Variants in KHDRBS2 observed in about 807,000 individuals in gnomAD.
KHDRBS2 encodes KH RNA binding domain containing, signal transduction associated 2, also known as KH domain-containing, RNA-binding, signal transduction-associated protein 2.
KHDRBS2 carries 26 observed loss-of-function variants against 44.3 expected under a neutral mutation model. The observed-to-expected ratio is 0.59, with a 90% CI of 0.43 to 0.81. KHDRBS2 has a LOEUF of 0.81. Among genes scored for constraint, KHDRBS2 ranks in the 40% least tolerant of loss-of-function variants. KHDRBS2 has a pLI of 0.00. For missense variants in KHDRBS2, 476 were observed against 433.1 expected, an observed-to-expected ratio of 1.10 and a Z score of -0.88; for synonymous variants, 194 against 151.1, an observed-to-expected ratio of 1.28 and a Z score of -2.08.
the KHDRBS2 span, among the ~76,000 whole-genome samples, chr6:61,580,415 C>A: frequency 4.6e-5 from 7 of 152,132 alleles, no homozygotes; most frequent in Admixed American, 6.6e-5. Context: ...AGGGCAAGGC[C>A]AAATAAGGGA....
chr6:62,157,805 T>G (rs1816786008), intron 2 of KHDRBS2, among the ~76,000 whole-genome samples: 1 of 152,208 alleles, frequency 6.6e-6, no homozygotes, highest in Non-Finnish European at 1.5e-5. Context: ...GTATTTAAGA[T>G]GAATATGGCT....
chr6:61,683,822 G>A (rs1352581808), intron 8 of KHDRBS2, among the ~76,000 whole-genome samples: 1 of 151,816 alleles, frequency 6.6e-6, no homozygotes, highest in Non-Finnish European at 1.5e-5. Flanking sequence ...CCTTGCTCAA[G>A]GCTAGGAAAA....
intron 6 of KHDRBS2, among the ~76,000 whole-genome samples, chr6:61,861,168 G>T (rs1231619207): frequency 6.6e-6 from 1 of 152,042 alleles, no homozygotes; most frequent in African/African-American, 2.4e-5. Context: ...TAGATTATCT[G>T]CTTACTCTGT....
intron 8 of KHDRBS2, among the ~76,000 whole-genome samples, chr6:61,688,049 T>C (rs1414433623): frequency 6.6e-6 from 1 of 151,886 alleles, no homozygotes; most frequent in Non-Finnish European, 1.5e-5. Context: ...TTATTTCTAA[T>C]TATCATCCAT....
At chr6:61,616,021 G>A in the KHDRBS2 span, among the ~76,000 whole-genome samples, 126,019 of 152,098 alleles carry the variant, frequency 0.83, 52,422 homozygotes, top group Non-Finnish European at 0.87. Context: ...TTTTTCTTCA[G>A]AATGTCACTA....
At chr6:61,576,680 A>G in the KHDRBS2 span, among the ~76,000 whole-genome samples, 1 of 152,136 alleles carries the variant, frequency 6.6e-6, no homozygotes, top group Non-Finnish European at 1.5e-5. Flanking sequence ...ACACAAAATA[A>G]ACTGTACATA....
At chr6:62,118,467 G>T (rs151164846) in intron 2 of KHDRBS2, among the ~76,000 whole-genome samples, 1 of 152,146 alleles carries the variant, frequency 6.6e-6, no homozygotes, top group East Asian at 1.9e-4. Flanking sequence ...GAATTTCACC[G>T]AATCTGTAGA....
At chr6:62,018,301 G>A (rs9453938) in intron 3 of KHDRBS2, among the ~76,000 whole-genome samples, 3 of 1,122 alleles carry the variant, frequency 2.7e-3, no homozygotes, top group Non-Finnish European at 5.4e-3. Context: ...ATATATATAT[G>A]TGTGTGTGTG....
At chr6:62,024,983 CAAT>C (rs1783029052) in intron 3 of KHDRBS2, among the ~76,000 whole-genome samples, 1 of 151,452 alleles carries the variant, frequency 6.6e-6, no homozygotes, top group African/African-American at 2.4e-5. Flanking sequence ...ACAGTCAAAA[CAAT>C]AACCATTAAA....
chr6:61,545,725 A>T, the KHDRBS2 span, among the ~76,000 whole-genome samples: 1 of 151,988 alleles, frequency 6.6e-6, no homozygotes, highest in Non-Finnish European at 1.5e-5. Context: ...TTGAAGCTCT[A>T]TTTCCAGAGT....
intron 1 of KHDRBS2, among the ~76,000 whole-genome samples, chr6:62,284,505 TA>T (rs897925488): frequency 6.6e-6 from 1 of 152,038 alleles, no homozygotes; most frequent in South Asian, 2.1e-4. Flanking sequence ...TTTGGGAAAG[TA>T]AAAAAAGTTC....
chr6:61,772,399 T>A (rs1582740495), intron 6 of KHDRBS2, among the ~76,000 whole-genome samples: 1 of 152,052 alleles, frequency 6.6e-6, no homozygotes, highest in East Asian at 1.9e-4. Flanking sequence ...TTTGAAAAGA[T>A]CAACAAAATT....
intron 3 of KHDRBS2, among the ~76,000 whole-genome samples, chr6:62,032,505 A>G (rs1263142683): frequency 1.3e-5 from 2 of 150,926 alleles, no homozygotes; most frequent in Non-Finnish European, 3.0e-5. Flanking sequence ...GTGAGTTAAT[A>G]CTTAATAAAC....
chr6:62,000,824 A>T (rs778483858), intron 3 of KHDRBS2, among the ~76,000 whole-genome samples: 10 of 152,192 alleles, frequency 6.6e-5, no homozygotes, highest in Non-Finnish European at 1.3e-4. Flanking sequence ...GAATTTTCAA[A>T]CAATTCAAAA....
In KHDRBS2 at chr6:61,894,762, A is replaced by G; in HGVS notation, c.683T>C (p.Val228Ala). The part of the protein sequence containing the change: ...RGVLTPRGST[V>A]TRGALPVPPV... ...TGGCACTGGAAGCGCTCCACGGGTT[A>G]CAGTGCTTCCCCGAGGGGTGAGAAC... Residue 228 changes from valine (V) to alanine (A), a missense_variant, in exon 6 of 9, where the codon GTA (valine) becomes GCA (alanine). Val to Ala is a moderately conservative substitution (Grantham distance 64). Transcript: ENST00000281156. 6.2e-7 allele frequency: 1 copy of G among 1,613,616 alleles called. No individual in the cohort carries two copies. Among genetic ancestry groups the G allele is most frequent in the Non-Finnish European group, 8.5e-7 (1 of 1,179,806 alleles).
At chr6:62,239,529 C>A (rs1171742018) in intron 1 of KHDRBS2, among the ~76,000 whole-genome samples, 1 of 151,866 alleles carries the variant, frequency 6.6e-6, no homozygotes, top group African/African-American at 2.4e-5. Flanking sequence ...GCCAAGATCA[C>A]GCTGCTGCAC....
intron 1 of KHDRBS2, among the ~76,000 whole-genome samples, chr6:62,194,471 CT>C (rs1825240852): frequency 5.7e-5 from 5 of 87,412 alleles, no homozygotes; most frequent in South Asian, 3.7e-4. Context: ...CTTTTCTTTT[CT>C]TTTCTTCCTT....
At chr6:62,136,834 G>A (rs1316368953) in intron 2 of KHDRBS2, among the ~76,000 whole-genome samples, 1 of 151,984 alleles carries the variant, frequency 6.6e-6, no homozygotes, top group Admixed American at 6.6e-5. Flanking sequence ...AAAGAGCCTT[G>A]CTCTTTGTTG....
chr6:62,016,720 A>T (rs1327611174), intron 3 of KHDRBS2, among the ~76,000 whole-genome samples: 1 of 151,734 alleles, frequency 6.6e-6, no homozygotes, highest in Non-Finnish European at 1.5e-5. Flanking sequence ...ATGGGTAATG[A>T]TCAATTAGCA....
Sources: gnomAD v4.1 joint callset for allele counts (sites outside exome capture counted in the v4.1 genomes callset) on GRCh38, gnomAD v4.1.1 for gene constraint, MANE v1.5 for transcripts, NCBI Gene and HGNC (gene_info 2026-07-23, HGNC 2026-07-21) for gene names.